CR2: variants seen among roughly 807,000 people sequenced by gnomAD.
The protein encoded by CR2 is complement receptor type 2.
In CR2, 96 loss-of-function variants were observed where a neutral mutation model predicts 123.0. The ratio of observed to expected loss-of-function variants is 0.78; its 90% CI spans 0.66 to 0.93. The LOEUF is 0.93. Ranked by LOEUF, CR2 falls within the 40% of genes least tolerant of loss-of-function variation. CR2 has a pLI of 0.00. For synonymous variants in CR2, 484 were observed against 469.5 expected (o/e 1.03, Z -0.40); for missense variants, 1,258 against 1,361.0 (o/e 0.92, Z 1.19).
chr1:207,474,137 A>ACTC, intron 12 of CR2, 104 bp from the exon 13 acceptor site: 1 of 1,057,568 alleles, frequency 9.5e-7, no homozygotes, highest in Non-Finnish European at 1.5e-6. Context: ...TAGAATTTCA[A>ACTC]CTCCTCTCTG....
At position 207,473,781 on chromosome 1, in the gene CR2, T is replaced by G. The variant is rs1291703749; in HGVS notation, c.2156-20T>G. ...TATGAGACATCTATAAATACTGTAA[T>G]TCCATCCTTGCTTCTCCAGAAACAT... is the stretch of plus-strand genomic sequence containing the variant. On this transcript the variant is annotated intron_variant, in intron 11 of 19. Coordinates refer to ENST00000367057, the MANE Select transcript of CR2 (RefSeq NM_001006658.3). The G allele has an allele frequency of 6.2e-7, 1 of 1,613,374 alleles. No homozygotes were observed. Among genetic ancestry groups the G allele is most frequent in the East Asian group, 2.2e-5 (1 of 44,886 alleles).
intron 1 of CR2, among the ~76,000 whole-genome samples, chr1:207,464,078 G>T (rs965521701): frequency 6.6e-6 from 1 of 152,086 alleles, no homozygotes; most frequent in South Asian, 2.1e-4. Context: ...AACATTCCAG[G>T]AGATTACACA....
chr1:207,485,629 T>C lies in CR2; in HGVS notation c.*18+57T>C, dbSNP rs920317413. 8.9e-6 allele frequency: 9 copies of C among 1,013,788 alleles called. No individual in the cohort carries two copies. In the African/African-American group the frequency reaches 9.6e-5, roughly 11 times the overall value. The allele number at this position is 1,013,788 out of a possible 1,614,324, so 62.8% of individuals were successfully genotyped here. ...CATATAAAATTTCCTTCAACTTGTA[T>C]TTATCAATAAGCGTAGCATTCACGG... On this transcript the variant is annotated intron_variant, in intron 19 of 19. Transcript: ENST00000367057.
At chr1:207,478,483 G>T (rs1658504454) in intron 16 of CR2, among the ~76,000 whole-genome samples, 1 of 125,866 alleles carries the variant, frequency 7.9e-6, no homozygotes, top group Non-Finnish European at 1.5e-5. Context: ...AACCATGATT[G>T]CACCACCGCA....
At chr1:207,479,171 T>C (rs1350483606) in intron 16 of CR2, 86 bp from the exon 17 acceptor site, 3 of 1,063,168 alleles carry the variant, frequency 2.8e-6, no homozygotes, top group Non-Finnish European at 4.4e-6. Flanking sequence ...AGTGTTGATT[T>C]CTGGGACATT....
At chr1:207,464,772 T>C (rs145300866) in intron 1 of CR2, among the ~76,000 whole-genome samples, 2,148 of 152,274 alleles carry the variant, frequency 0.014, 19 homozygotes, top group Non-Finnish European at 0.024. Context: ...CCAAAGTGCT[T>C]CAGGGGTGAG....
In CR2 at chr1:207,478,045, C is replaced by T; in HGVS notation, c.3063C>T (p.Asn1021=). 1.2e-6 allele frequency: 2 copies of T among 1,613,946 alleles called. No individual in the cohort carries two copies. Among genetic ancestry groups the T allele is most frequent in the Non-Finnish European group, 1.7e-6 (2 of 1,179,942 alleles). Residue 1021 remains asparagine, a synonymous_variant, in exon 16 of 20, where the codon AAC becomes AAT. Coordinates refer to ENST00000367057, the MANE Select transcript of CR2 (RefSeq NM_001006658.3). ...QSQCQSDHQW[N]PPLAVCRSRS... is the part of the protein sequence containing the mutation. ...AGTGCCAATCGGATCACCAATGGAA[C>T]CCTCCCCTGGCGGTTTGCAGATCCC...
rs1657771901 is a variant in CR2, at chr1:207,454,350, G to A, written c.-69G>A. On this transcript the variant is annotated 5_prime_UTR_variant, in exon 1 of 20. Coordinates refer to ENST00000367057, the MANE Select transcript of CR2 (RefSeq NM_001006658.3). This position sits in a 1 kb window ranked among gnomAD's most constrained non-coding sequence, Gnocchi z 4.3. ...CACAGCTGCTTGCTGCTCCAGCCTT[G>A]CCCTCCCAGAGCTGCCGGACGCTCG... 2 of 1,358,156 alleles carry A rather than the reference G, an allele frequency of 1.5e-6. No homozygotes were observed. The highest frequency in any genetic ancestry group is 2.5e-5 in the South Asian group (2 of 80,722). The allele number at this position is 1,358,156 out of a possible 1,614,324, so 84.1% of individuals were successfully genotyped here.
intron 4 of CR2, 116 bp from the exon 5 acceptor site, chr1:207,469,034 A>C: frequency 1.5e-6 from 2 of 1,349,832 alleles, no homozygotes; most frequent in South Asian, 2.3e-5. Flanking sequence ...GGTAATGCTG[A>C]TAAAAGGAAC....
intron 2 of CR2, 68 bp from the exon 3 acceptor site, chr1:207,468,459 C>G (rs1658165326): frequency 1.3e-6 from 2 of 1,529,954 alleles, no homozygotes; most frequent in East Asian, 2.3e-5. Context: ...AGATTGGACC[C>G]CCTTGATTCT....
rs1403510182 is a variant in CR2 at position 207,472,842 on chromosome 1, A to G, written c.1641A>G (p.Pro547=). Residue 547 remains proline (P), a synonymous_variant, in exon 10 of 20, where the codon CCA becomes CCG. Transcript: ENST00000367057. Reference sequence around the variant, plus strand: ...CCGGGAGTTCCTTAGAAGATTTTCCATATGGAACCACGGTCACTTACACAT... The same window carrying G: ...CCGGGAGTTCCTTAGAAGATTTTCCGTATGGAACCACGGTCACTTACACAT... ...AHTGSSLEDF[P]YGTTVTYTCN... The G allele has an allele frequency of 2.5e-6, 4 of 1,613,940 alleles. No individual in the cohort carries two copies. The highest frequency in any genetic ancestry group is 3.4e-6 in the Non-Finnish European group (4 of 1,179,962).
At chr1:207,474,024 TA>T in intron 12 of CR2, 139 bp downstream of exon 12, 1 of 882,344 alleles carries the variant, frequency 1.1e-6, no homozygotes, top group Non-Finnish European at 1.8e-6. Flanking sequence ...TCCAATGGCC[TA>T]AATAGCAACT....
At chr1:207,478,998 G>C (rs1278012955) in intron 16 of CR2, among the ~76,000 whole-genome samples, 1 of 137,192 alleles carries the variant, frequency 7.3e-6, no homozygotes, top group Non-Finnish European at 1.6e-5. Flanking sequence ...TTTTGTTTTT[G>C]TTTTAAATAG....
chr1:207,464,899 A>G lies in CR2; in HGVS notation c.59-1627A>G, dbSNP rs191112290. ...ATATGTGGTTGAGTTTTCTAGTTAA[A>G]GAGTTTTTTATTGTTATTGTTTGTT... On this transcript the variant is annotated intron_variant, in intron 1 of 19. Transcript: ENST00000367057. 1.1e-4 allele frequency among the ~76,000 whole-genome samples: 17 copies of G among 152,152 alleles called. No individual in the cohort carries two copies. The South Asian group carries it at 1.9e-3, about 17-fold the overall frequency.
At position 207,461,145 on chromosome 1, in the gene CR2, T is replaced by C. The variant is rs1657954914; in HGVS notation, c.59-5381T>C. ...TTTTTTGTGTATAAATAAGACCTCA[T>C]TGAAGCTGGGAAAAATATTAATATC... is the stretch of plus-strand genomic sequence containing the variant. On this transcript the variant is annotated intron_variant, in intron 1 of 19. Coordinates refer to ENST00000367057, the MANE Select transcript of CR2 (RefSeq NM_001006658.3). 2.6e-5 allele frequency among the ~76,000 whole-genome samples: 4 copies of C among 152,162 alleles called. 1 individual carries two copies. The highest frequency in any genetic ancestry group is 9.6e-5 in the African/African-American group (4 of 41,518).
At chr1:207,467,859 T>TAC (rs995211903) in intron 2 of CR2, among the ~76,000 whole-genome samples, 2 of 152,180 alleles carry the variant, frequency 1.3e-5, no homozygotes, top group African/African-American at 2.4e-5. Context: ...GTATTAGTTG[T>TAC]ACACACACAC....
rs574292506 is a variant in CR2, at chr1:207,456,214, T to A, written c.58+1738T>A. Among the ~76,000 whole-genome samples the A allele has an allele frequency of 2.6e-5, 4 of 152,334 alleles. No homozygotes were observed. The East Asian group carries it at 7.7e-4, about 29-fold the overall frequency. ...CCCCTGATTTCTCCAGCTGCCTGTC[T>A]TGTATGCGCTGCTCATGGTCTTCCC... On this transcript the variant is annotated intron_variant, in intron 1 of 19. Transcript: ENST00000367057.
At chr1:207,477,433 T>C (rs1658473231) in intron 15 of CR2, among the ~76,000 whole-genome samples, 1 of 152,124 alleles carries the variant, frequency 6.6e-6, no homozygotes, top group Non-Finnish European at 1.5e-5. Context: ...AACATGAGAT[T>C]TGAGTGGGGA....
intron 17 of CR2, among the ~76,000 whole-genome samples, chr1:207,479,770 G>T (rs1658553182): frequency 6.6e-6 from 1 of 152,132 alleles, no homozygotes; most frequent in Admixed American, 6.6e-5. Context: ...CATGTGCTTG[G>T]TGCTTTAGAT....
Sources: allele counts gnomAD v4.1 joint callset (sites outside exome capture counted in the v4.1 genomes callset), GRCh38; gene constraint gnomAD v4.1.1; non-coding constraint Gnocchi (gnomAD v3.1); transcripts MANE v1.5; gene names NCBI Gene and HGNC (gene_info 2026-07-23, HGNC 2026-07-21).